Variants in DYNLT2B observed in about 807,000 individuals in gnomAD.
DYNLT2B encodes the protein dynein light chain Tctex-type protein 2B.
DYNLT2B carries 14 observed loss-of-function variants against 19.5 expected under a neutral mutation model. The ratio of observed to expected loss-of-function variants is 0.72; its 90% CI spans 0.47 to 1.12. The LOEUF is 1.12. DYNLT2B is among the 50% of genes most tolerant of loss of function. DYNLT2B has a pLI of 0.00. For missense variants in DYNLT2B, 133 were observed against 174.7 expected, an observed-to-expected ratio of 0.76 and a Z score of 1.35; for synonymous variants, 70 against 59.7, an observed-to-expected ratio of 1.17 and a Z score of -0.79.
chr3:196,293,691 C>A (rs1192260184), intron 4 of DYNLT2B, among the ~76,000 whole-genome samples: 16 of 141,510 alleles, frequency 1.1e-4, no homozygotes, highest in Admixed American at 1.1e-3. Context: ...TGTCTCCAGG[C>A]TGGAGTACAG....
chr3:196,302,989 AGGAGCCATGCAGCT>A (rs1172389695), intron 3 of DYNLT2B, among the ~76,000 whole-genome samples: 1 of 151,992 alleles, frequency 6.6e-6, no homozygotes, highest in East Asian at 1.9e-4. Context: ...ATGATGGTTT[AGGAGCCATGCAGCT>A]GGAGGCTACA....
Position 196,307,037 on chromosome 3 carries a change from T to C in DYNLT2B, c.248-25A>G, listed in dbSNP as rs772063005. 1.9e-6 allele frequency: 3 copies of C among 1,596,348 alleles called. No individual in the cohort carries two copies. In the East Asian group the frequency reaches 6.7e-5, roughly 36 times the overall value. ...TCTAGAAAGAAAAAATAAGGTTATT[T>C]ATAAGCAAATATGTAGTAAAATTAC... On this transcript the variant is annotated intron_variant, in intron 2 of 4. Transcript: ENST00000325318.
At chr3:196,314,322 G>A (rs775388428) in intron 2 of DYNLT2B, among the ~76,000 whole-genome samples, 15 of 151,996 alleles carry the variant, frequency 9.9e-5, no homozygotes, top group African/African-American at 2.7e-4. Flanking sequence ...AATTAGCCAC[G>A]TGTGGTGGCG....
intron 3 of DYNLT2B, among the ~76,000 whole-genome samples, chr3:196,296,551 G>A (rs1726226596): frequency 6.6e-6 from 1 of 152,022 alleles, no homozygotes; most frequent in South Asian, 2.1e-4. Flanking sequence ...CCTTGAAATT[G>A]GCTATTCTCC....
intron 1 of DYNLT2B, 118 bp from the exon 2 acceptor site, chr3:196,316,349 T>G (rs1726792455): frequency 1.9e-6 from 2 of 1,059,578 alleles, no homozygotes; most frequent in Non-Finnish European, 2.6e-6. Flanking sequence ...TTTTTCATAT[T>G]TTTTATTATA....
chr3:196,308,057 G>C (rs1726539443), intron 2 of DYNLT2B, among the ~76,000 whole-genome samples: 1 of 147,114 alleles, frequency 6.8e-6, no homozygotes, highest in Admixed American at 6.9e-5. Context: ...CACTAGCCTG[G>C]GTAACAAGAG....
chr3:196,302,652 G>A (rs1046687639), intron 3 of DYNLT2B, among the ~76,000 whole-genome samples: 10 of 152,108 alleles, frequency 6.6e-5, no homozygotes, highest in African/African-American at 2.2e-4. Context: ...ACGCAGATAC[G>A]ATGCCCTTGA....
intron 2 of DYNLT2B, among the ~76,000 whole-genome samples, chr3:196,313,029 G>T (rs1324503866): frequency 1.3e-5 from 2 of 151,912 alleles, no homozygotes; most frequent in African/African-American, 4.8e-5. Flanking sequence ...AGAAAATAAG[G>T]AACTCAACAA....
In DYNLT2B at chr3:196,318,218, A is replaced by G; in HGVS notation, c.-66T>C. ...CTAGCGGGTTGCGGTCGCGGCCGGC[A>G]GCAGGGAAAGCGTCTCCAGGGCAAC... is the stretch of plus-strand genomic sequence containing the variant. On this transcript the variant is annotated 5_prime_UTR_variant, in exon 1 of 5. Coordinates refer to ENST00000325318, the MANE Select transcript of DYNLT2B (RefSeq NM_152773.5). 1 of 922,180 alleles carries G rather than the reference A, an allele frequency of 1.1e-6. No individual in the cohort carries two copies. The highest frequency in any genetic ancestry group is 1.5e-6 in the Non-Finnish European group (1 of 653,566). The allele number at this position is 922,180 out of a possible 1,614,324, so 57.1% of individuals were successfully genotyped here.
In DYNLT2B at chr3:196,312,824, C is replaced by T. The variant is rs569001414; in HGVS notation, c.247+3274G>A. 8.6e-4 allele frequency among the ~76,000 whole-genome samples: 131 copies of T among 152,214 alleles called. 1 individual carries two copies. The highest frequency in any genetic ancestry group is 2.9e-3 in the African/African-American group (120 of 41,536). ...CAAACACAAAAGAATCCAGGGAATA[C>T]GGCATTTCTGAGTCCTTTCTGAAAA... On this transcript the variant is annotated intron_variant, in intron 2 of 4. Coordinates refer to ENST00000325318, the MANE Select transcript of DYNLT2B (RefSeq NM_152773.5).
chr3:196,314,005 G>A (rs1034194555), intron 2 of DYNLT2B, among the ~76,000 whole-genome samples: 2 of 151,982 alleles, frequency 1.3e-5, no homozygotes, highest in African/African-American at 4.8e-5. Flanking sequence ...GGCTGAGGCA[G>A]GAGAATCGCT....
chr3:196,291,436 G>T, intron 4 of DYNLT2B, 62 bp from the exon 5 acceptor site: 1 of 1,493,734 alleles, frequency 6.7e-7, no homozygotes, highest in Non-Finnish European at 9.1e-7. Context: ...GGGAATGAGA[G>T]CAGCACAGGC....
At chr3:196,298,154 C>T (rs570735407) in intron 3 of DYNLT2B, 5 of 364,692 alleles carry the variant, frequency 1.4e-5, no homozygotes, top group Middle Eastern at 7.7e-4. Context: ...GAGAATGGGA[C>T]GATTTGGCTT....
At chr3:196,308,437 T>A (rs907514671) in intron 2 of DYNLT2B, among the ~76,000 whole-genome samples, 1 of 152,114 alleles carries the variant, frequency 6.6e-6, no homozygotes, top group African/African-American at 2.4e-5. Context: ...AACGAGGTGA[T>A]CCAGCACCAT....
intron 1 of DYNLT2B, among the ~76,000 whole-genome samples, chr3:196,316,750 T>C (rs538685674): frequency 1.8e-4 from 27 of 152,242 alleles, no homozygotes; most frequent in Non-Finnish European, 3.2e-4. Context: ...ACAAAGAAAT[T>C]TGTATCACAT....
intron 2 of DYNLT2B, among the ~76,000 whole-genome samples, chr3:196,315,741 G>A (rs1227725009): frequency 1.3e-5 from 2 of 152,052 alleles, no homozygotes; most frequent in African/African-American, 2.4e-5. Context: ...GCGTGATGGT[G>A]CATGCCTGTA....
rs1348966246 is a variant in DYNLT2B at position 196,296,047 on chromosome 3, C to G, written c.340G>C (p.Asp114His). The G allele has an allele frequency of 6.2e-7, 1 of 1,613,766 alleles. No homozygotes were observed. The highest frequency in any genetic ancestry group is 8.5e-7 in the Non-Finnish European group (1 of 1,179,902). ...GVFMASRCFWDADTDNYTHDV... is the reference protein window; with the variant it reads ...GVFMASRCFWHADTDNYTHDV... ...TGAGTATAGTTGTCAGTGTCAGCATCCCAGAAACAGCGAGAAGCCATGCTA... is the reference window on the plus strand; with the variant it reads ...TGAGTATAGTTGTCAGTGTCAGCATGCCAGAAACAGCGAGAAGCCATGCTA... The change falls in exon 4 of 5, where the codon GAT becomes CAT. Residue 114 changes from aspartate to histidine, a missense_variant. Physicochemically the swap from Asp to His is moderately conservative, Grantham distance 81 (BLOSUM62 -1). Transcript: ENST00000325318.
intron 4 of DYNLT2B, among the ~76,000 whole-genome samples, 190 bp from the exon 5 acceptor site, chr3:196,291,564 G>A (rs1057413061): frequency 5.9e-5 from 9 of 151,788 alleles, no homozygotes; most frequent in East Asian, 1.9e-4. Flanking sequence ...CTGCAGCCTC[G>A]ACCTCCTACA....
At chr3:196,308,256 C>A (rs1443205599) in intron 2 of DYNLT2B, among the ~76,000 whole-genome samples, 3 of 151,890 alleles carry the variant, frequency 2.0e-5, no homozygotes, top group Non-Finnish European at 4.4e-5. Context: ...AAGATGTGGC[C>A]GGCCAATAAA....
Sources: gnomAD v4.1 joint callset for allele counts (sites outside exome capture counted in the v4.1 genomes callset) on GRCh38, gnomAD v4.1.1 for gene constraint, MANE v1.5 for transcripts, NCBI Gene and HGNC (gene_info 2026-07-23, HGNC 2026-07-21) for gene names.